GPR158: variants seen among roughly 807,000 people sequenced by gnomAD.
GPR158 encodes the protein G protein-coupled receptor 158, also known as metabotropic glycine receptor.
A neutral mutation model predicts 78.2 loss-of-function variants in GPR158; 30 were observed. That is an observed-to-expected ratio of 0.38 (90% CI 0.29 to 0.52). The LOEUF is 0.52. Ranked by LOEUF, GPR158 falls within the 20% of genes least tolerant of loss-of-function variation. The pLI, the probability that GPR158 is intolerant of heterozygous loss-of-function variation, is 0.83. For synonymous variants in GPR158, 581 were observed against 591.1 expected, an observed-to-expected ratio of 0.98 and a Z score of 0.25; for missense variants, 1,463 against 1,523.5, an observed-to-expected ratio of 0.96 and a Z score of 0.66.
At chr10:25,314,905 TACACACACACACAC>T (rs34451547) in intron 2 of GPR158, among the ~76,000 whole-genome samples, 1 of 137,370 alleles carries the variant, frequency 7.3e-6, no homozygotes, top group African/African-American at 2.8e-5. Flanking sequence ...AGTTTACACA[TACACACACACACAC>T]ACACACACAC....
chr10:25,292,622 C>T (rs1286582450), intron 2 of GPR158, among the ~76,000 whole-genome samples: 1 of 151,886 alleles, frequency 6.6e-6, no homozygotes, highest in Non-Finnish European at 1.5e-5. Flanking sequence ...GTATAATGAC[C>T]TATGAGAAGA....
At chr10:25,199,988 G>A (rs2130653354) in intron 1 of GPR158, among the ~76,000 whole-genome samples, 1 of 152,262 alleles carries the variant, frequency 6.6e-6, no homozygotes. Flanking sequence ...GTATGCATGT[G>A]TCTTTATGGT....
At chr10:25,425,811 A>G (rs552231860) in intron 4 of GPR158, among the ~76,000 whole-genome samples, 1 of 152,136 alleles carries the variant, frequency 6.6e-6, no homozygotes, top group African/African-American at 2.4e-5. Flanking sequence ...TTGGCTATCC[A>G]GCTTCCTTTT....
intron 2 of GPR158, among the ~76,000 whole-genome samples, chr10:25,324,178 A>G (rs1406779267): frequency 1.3e-5 from 2 of 152,238 alleles, no homozygotes; most frequent in South Asian, 2.1e-4. Flanking sequence ...TGCATTTACA[A>G]CTTGGCTAAC....
intron 2 of GPR158, among the ~76,000 whole-genome samples, chr10:25,334,297 A>G (rs1014438495): frequency 6.6e-6 from 1 of 152,118 alleles, no homozygotes; most frequent in Non-Finnish European, 1.5e-5. Context: ...TTGGATTTAA[A>G]TGAAGAATAA....
chr10:25,499,706 G>A (rs7072700), intron 5 of GPR158, among the ~76,000 whole-genome samples: 84,423 of 152,112 alleles, frequency 0.56, 25,249 homozygotes, highest in African/African-American at 0.79. Flanking sequence ...GAAGTGACAT[G>A]TGACAAAAGA....
intron 2 of GPR158, among the ~76,000 whole-genome samples, chr10:25,241,319 C>CTCTTCTCTTCTCTTT (rs1564399674): frequency 8.5e-6 from 1 of 117,498 alleles, no homozygotes; most frequent in African/African-American, 3.7e-5. Context: ...CTTTTCTCTT[C>CTCTTCTCTTCTCTTT]TCTTCTCTTC....
chr10:25,508,539 C>T (rs375500895), intron 5 of GPR158, among the ~76,000 whole-genome samples: 1 of 152,270 alleles, frequency 6.6e-6, no homozygotes, highest in East Asian at 1.9e-4. Flanking sequence ...ATTTTGTGCA[C>T]AGTCTCTGTA....
chr10:25,451,898 T>A (rs565060195), intron 4 of GPR158, among the ~76,000 whole-genome samples: 2 of 152,288 alleles, frequency 1.3e-5, no homozygotes, highest in African/African-American at 4.8e-5. Flanking sequence ...TGGAGAAAAA[T>A]TCCCTTGAAT....
chr10:25,478,781 C>T (rs371588265), intron 5 of GPR158, among the ~76,000 whole-genome samples: 1 of 149,718 alleles, frequency 6.7e-6, no homozygotes, highest in Admixed American at 6.7e-5. Flanking sequence ...TCTCCTAATG[C>T]TATCCCTCCT....
At chr10:25,185,205 A>G (rs1852665046) in intron 1 of GPR158, among the ~76,000 whole-genome samples, 2 of 152,136 alleles carry the variant, frequency 1.3e-5, no homozygotes, top group South Asian at 4.1e-4. Flanking sequence ...TCCCTATTTC[A>G]AGGGTTCTGT....
chr10:25,269,995 G>A (rs1163110159), intron 2 of GPR158, among the ~76,000 whole-genome samples: 1 of 152,022 alleles, frequency 6.6e-6, no homozygotes, highest in African/African-American at 2.4e-5. Flanking sequence ...TTTTATATTG[G>A]GAATTCAAGC....
At chr10:25,281,067 GGA>G in intron 2 of GPR158, among the ~76,000 whole-genome samples, 1 of 151,448 alleles carries the variant, frequency 6.6e-6, no homozygotes, top group South Asian at 2.1e-4. Flanking sequence ...CCTTGGAGGT[GGA>G]GGTTGCAGTG....
intron 2 of GPR158, among the ~76,000 whole-genome samples, chr10:25,241,374 C>CTTT (rs1853623876): frequency 3.7e-4 from 33 of 89,726 alleles, no homozygotes; most frequent in African/African-American, 1.1e-3. Context: ...TTTCTTTTCT[C>CTTT]TCTTCTCTTC....
intron 5 of GPR158, among the ~76,000 whole-genome samples, chr10:25,532,845 T>G (rs535381089): frequency 2.0e-5 from 3 of 152,194 alleles, no homozygotes; most frequent in Non-Finnish European, 2.9e-5. Flanking sequence ...CTTCATGGTC[T>G]ATTGAATGTG....
chr10:25,369,015 G>C (rs56771345), intron 2 of GPR158, among the ~76,000 whole-genome samples: 191 of 150,474 alleles, frequency 1.3e-3, no homozygotes, highest in Non-Finnish European at 2.4e-3. Context: ...TTCGTACATT[G>C]ATTTTGTATC....
intron 1 of GPR158, among the ~76,000 whole-genome samples, chr10:25,187,089 C>T (rs1038118754): frequency 2.6e-5 from 4 of 151,610 alleles, no homozygotes; most frequent in African/African-American, 9.7e-5. Context: ...CTCAGCCTCC[C>T]GAGTATCTAG....
intron 6 of GPR158, among the ~76,000 whole-genome samples, chr10:25,561,884 C>A (rs755893052): frequency 6.6e-6 from 1 of 151,856 alleles, no homozygotes; most frequent in Non-Finnish European, 1.5e-5. Context: ...ATAGTCATAC[C>A]GCAGGTAAGA....
intron 2 of GPR158, among the ~76,000 whole-genome samples, chr10:25,335,627 T>C (rs951612860): frequency 6.6e-6 from 1 of 152,090 alleles, no homozygotes; most frequent in African/African-American, 2.4e-5. Flanking sequence ...CCCAGAGATT[T>C]GCAAAGTCTG....
Sources: allele counts gnomAD v4.1 joint callset (sites outside exome capture counted in the v4.1 genomes callset), GRCh38; gene constraint gnomAD v4.1.1; transcripts MANE v1.5; gene names NCBI Gene and HGNC (gene_info 2026-07-23, HGNC 2026-07-21).